The following MCF2L variants were observed in gnomAD, a reference collection of about 807,000 sequenced individuals.
MCF2L encodes guanine nucleotide exchange factor DBS.
Under a neutral mutation model 153.4 loss-of-function variants are expected in MCF2L, and 97 were observed. That is an observed-to-expected ratio of 0.63 (90% CI 0.54 to 0.75). MCF2L has a LOEUF of 0.75. MCF2L is among the 30% of genes least tolerant of loss of function. The pLI, the probability that MCF2L is intolerant of heterozygous loss-of-function variation, is 0.00. For missense variants in MCF2L, 1,347 were observed against 1,495.2 expected (o/e 0.90, Z 1.64); for synonymous variants, 659 against 632.2 (o/e 1.04, Z -0.64).
At position 113,074,089 on chromosome 13, in the gene MCF2L, T is replaced by C. The variant is rs918397556; in HGVS notation, c.997-355T>C. On this transcript the variant is annotated intron_variant, in intron 9 of 29. Transcript: ENST00000535094. This position sits in a 1 kb window ranked among gnomAD's most constrained non-coding sequence, Gnocchi z 4.2. ...AATGCTGACAATTCCAGTGTCCATA[T>C]TGCTGCTGGCTTTCGGCTCCCAGGG... Among the ~76,000 whole-genome samples the C allele has an allele frequency of 4.6e-5, 7 of 152,248 alleles. No individual in the cohort carries two copies. Among genetic ancestry groups the C allele is most frequent in the African/African-American group, 1.7e-4 (7 of 41,462 alleles).
intron 1 of MCF2L, among the ~76,000 whole-genome samples, chr13:112,896,831 T>C (rs990256359): frequency 6.6e-6 from 1 of 152,226 alleles, no homozygotes; most frequent in Non-Finnish European, 1.5e-5. Context: ...TGCAGGTTCC[T>C]GAGTCCCACC....
At chr13:113,095,992 A>G in intron 27 of MCF2L, 1 of 367,984 alleles carries the variant, frequency 2.7e-6, no homozygotes, top group Non-Finnish European at 4.8e-6. Context: ...AGGGCAGAGG[A>G]CGGGCGAGTC....
chr13:113,011,594 G>A (rs1049417830), intron 1 of MCF2L, among the ~76,000 whole-genome samples: 3 of 150,932 alleles, frequency 2.0e-5, no homozygotes, highest in African/African-American at 7.3e-5. Flanking sequence ...TGGTGTGGAC[G>A]GTGGACACTG....
At chr13:113,034,623 CGCCCTGGTCTCACCCACGCCCTCGCCCTT>C (rs2086025280) in intron 3 of MCF2L, among the ~76,000 whole-genome samples, 1 of 151,430 alleles carries the variant, frequency 6.6e-6, no homozygotes, top group Admixed American at 6.6e-5. Flanking sequence ...GTCTCACCCT[CGCCCTGGTCTCACCCACGCCCTCGCCCTT>C]GCCCTGGTCT....
rs75838790 is a variant in MCF2L, at chr13:112,995,732, A to G, written c.80-19031A>G. 4.9e-3 allele frequency among the ~76,000 whole-genome samples: 741 copies of G among 152,020 alleles called. 27 individuals carry two copies. In the East Asian group the frequency reaches 0.1, roughly 21 times the overall value. On this transcript the variant is annotated intron_variant, in intron 1 of 29. Coordinates refer to ENST00000535094, the MANE Select transcript of MCF2L (RefSeq NM_001112732.3). The stretch of plus-strand genomic sequence containing the variant: ...AACCCTCCTTCCACAGGAACGGGGG[A>G]ATGAGTGGGAGAGCAGTGGGAGAGT...
intron 1 of MCF2L, among the ~76,000 whole-genome samples, chr13:112,897,894 CACCCGCTCTG>C (rs2081082479): frequency 6.6e-6 from 1 of 152,130 alleles, no homozygotes; most frequent in Non-Finnish European, 1.5e-5. Context: ...GTCGGCCTGG[CACCCGCTCTG>C]TGCCAGGGCC....
chr13:112,962,915 G>T (rs35299896), intron 2 of MCF2L, among the ~76,000 whole-genome samples: 98,880 of 151,632 alleles, frequency 0.65, 32,506 homozygotes, highest in Non-Finnish European at 0.7. Context: ...GAAGAATCCC[G>T]TAGGTACCCA....
intron 2 of MCF2L, among the ~76,000 whole-genome samples, chr13:112,929,901 C>T (rs116052582): frequency 1.4e-3 from 206 of 152,312 alleles, no homozygotes; most frequent in African/African-American, 4.9e-3. Context: ...TGTTTTGTGA[C>T]GTTCATTCTT....
At chr13:112,923,877 T>A (rs930034972) in intron 2 of MCF2L, among the ~76,000 whole-genome samples, 1 of 152,152 alleles carries the variant, frequency 6.6e-6, no homozygotes, top group Non-Finnish European at 1.5e-5. Flanking sequence ...CCCTTAGTAT[T>A]TCTTTGTTTC....
intron 2 of MCF2L, among the ~76,000 whole-genome samples, chr13:112,946,013 C>G (rs3011480): frequency 1 from 151,602 of 152,264 alleles, 75,477 homozygotes; most frequent in Middle Eastern, 1. Context: ...ATCAGCACGC[C>G]AGCCCGGGCT....
rs141491899 is a variant in MCF2L, at chr13:113,060,593, G to T, written c.370G>T (p.Ala124Ser). The T allele has an allele frequency of 1.2e-6, 2 of 1,612,654 alleles. No homozygotes were observed. Among genetic ancestry groups the T allele is most frequent in the African/African-American group, 2.7e-5 (2 of 74,944 alleles). The change falls in exon 5 of 30, where the codon GCA (alanine) becomes TCA (serine). Residue 124 changes from alanine (A) to serine (S), a missense_variant and splice_region_variant. This residue lies in a region of MCF2L where 820 missense variants were observed against 921.2 expected (regional missense o/e 0.89). Transcript: ENST00000535094. ...CCTTGTCTCTCGCCCTCTCTCACAG[G>T]CATCTTTCCCGGCAAACCTGCAGCT... ...SVKASVLRIA[A>S]SFPANLQLVL...
At position 113,074,404 on chromosome 13, in the gene MCF2L, A is replaced by G. The variant is rs772016879; in HGVS notation, c.997-40A>G. On this transcript the variant is annotated intron_variant, in intron 9 of 29. Transcript: ENST00000535094. The surrounding 1 kb of genome is among the most constrained non-coding windows in gnomAD (Gnocchi z 4.2). ...GGAGTGGGTTCTCTCTGTTCAGGTGAGGGAGACACCCCCCTGAGATGGGCC... is the reference window on the plus strand; with the variant it reads ...GGAGTGGGTTCTCTCTGTTCAGGTGGGGGAGACACCCCCCTGAGATGGGCC... 4 of 1,599,510 alleles carry G rather than the reference A, an allele frequency of 2.5e-6. No individual in the cohort carries two copies. Among genetic ancestry groups the G allele is most frequent in the Non-Finnish European group, 3.4e-6 (4 of 1,167,950 alleles).
chr13:113,063,368 C>T (rs929151726), intron 5 of MCF2L, among the ~76,000 whole-genome samples: 10 of 151,168 alleles, frequency 6.6e-5, no homozygotes, highest in Admixed American at 2.6e-4. Context: ...CCGCCCACAG[C>T]GTTCAGGCGT....
At chr13:112,898,041 G>A (rs962593802) in intron 1 of MCF2L, among the ~76,000 whole-genome samples, 3 of 152,224 alleles carry the variant, frequency 2.0e-5, no homozygotes, top group African/African-American at 4.8e-5. Flanking sequence ...TTTAGGGAAG[G>A]TCTCCCAGCT....
At chr13:112,981,083 G>A (rs2082405111) in intron 1 of MCF2L, among the ~76,000 whole-genome samples, 1 of 151,292 alleles carries the variant, frequency 6.6e-6, no homozygotes, top group Non-Finnish European at 1.5e-5. Context: ...TGTGCACTGG[G>A]GACCCCGACA....
Position 113,096,621 on chromosome 13 carries a change from C to T in MCF2L, c.3260C>T (p.Pro1087Leu), listed in dbSNP as rs1414188061. 8.8e-6 allele frequency: 14 copies of T among 1,594,896 alleles called. No individual in the cohort carries two copies. The highest frequency in any genetic ancestry group is 4.5e-5 in the East Asian group (2 of 44,448). Residue 1087 changes from proline to leucine, a missense_variant, in exon 29 of 30, where the codon CCG becomes CTG. Transcript: ENST00000535094. ...PASSLSVRLG[P>L]SGSAQCLSSS... ...AGCAGCCTGTCCGTCCGGCTCGGCC[C>T]GTCCGGCTCGGCCCAGTGCCTGAGC...
intron 25 of MCF2L, among the ~76,000 whole-genome samples, chr13:113,089,390 C>T (rs535085): frequency 0.15 from 4,081 of 27,996 alleles, 62 homozygotes; most frequent in Admixed American, 0.26. Flanking sequence ...CCAGCCCGTC[C>T]GGGTTTAACT....
intron 1 of MCF2L, among the ~76,000 whole-genome samples, chr13:112,970,227 G>T (rs528877837): frequency 4.6e-5 from 7 of 152,268 alleles, no homozygotes; most frequent in African/African-American, 1.7e-4. Context: ...TTTGCCTGAT[G>T]TTGCCATATG....
chr13:112,996,306 C>T (rs1025410454), intron 1 of MCF2L, among the ~76,000 whole-genome samples: 2 of 152,204 alleles, frequency 1.3e-5, no homozygotes, highest in African/African-American at 4.8e-5. Flanking sequence ...GGTGACAGAG[C>T]GAGGCCTTGG....
Sources: allele counts gnomAD v4.1 joint callset (sites outside exome capture counted in the v4.1 genomes callset), GRCh38; gene constraint gnomAD v4.1.1; regional missense constraint gnomAD v4.1.1; non-coding constraint Gnocchi (gnomAD v3.1); transcripts MANE v1.5; gene names NCBI Gene and HGNC (gene_info 2026-07-23, HGNC 2026-07-21).